The following CERS6 variants were observed in gnomAD, a reference collection of about 807,000 sequenced individuals.
CERS6 encodes the protein ceramide synthase 6.
CERS6 carries 26 observed loss-of-function variants against 56.8 expected under a neutral mutation model. The observed-to-expected ratio is 0.46, with a 90% CI of 0.34 to 0.63. The LOEUF (loss-of-function observed/expected upper bound fraction) is 0.63. CERS6 is among the 30% of genes least tolerant of loss of function. The probability of loss-of-function intolerance (pLI) is 0.01; values close to 1 mark genes in which losing one functional copy is unlikely to be tolerated. For missense variants in CERS6, 415 were observed against 467.5 expected, an observed-to-expected ratio of 0.89 and a Z score of 1.04; for synonymous variants, 164 against 173.3, an observed-to-expected ratio of 0.95 and a Z score of 0.42.
At position 168,622,935 on chromosome 2, in the gene CERS6, A is replaced by T. The variant is rs191034074; in HGVS notation, c.408-8050A>T. 9.2e-4 allele frequency among the ~76,000 whole-genome samples: 140 copies of T among 152,306 alleles called. 1 individual carries two copies. Among genetic ancestry groups the T allele is most frequent in the South Asian group, 6.4e-3 (31 of 4,826 alleles). The stretch of plus-strand genomic sequence containing the variant: ...AAGCTACTCTAGAAATTTAGATTTT[A>T]TGTCAGAGTTTCCAAAAAGGAATCT... On this transcript the variant is annotated intron_variant, in intron 3 of 9. Transcript: ENST00000305747.
intron 8 of CERS6, among the ~76,000 whole-genome samples, chr2:168,762,294 T>C (rs1684604753): frequency 6.6e-6 from 1 of 152,228 alleles, no homozygotes; most frequent in Non-Finnish European, 1.5e-5. Flanking sequence ...AAAATACTTA[T>C]AGATATTTTA....
intron 3 of CERS6, among the ~76,000 whole-genome samples, chr2:168,624,589 T>G (rs141113609): frequency 6.6e-6 from 1 of 152,242 alleles, no homozygotes; most frequent in East Asian, 1.9e-4. Flanking sequence ...GTTACTGTTT[T>G]GTAAAAATAA....
chr2:168,690,011 C>T (rs573027708), intron 4 of CERS6, among the ~76,000 whole-genome samples: 1 of 152,162 alleles, frequency 6.6e-6, no homozygotes, highest in South Asian at 2.1e-4. Flanking sequence ...CCTCCATTTA[C>T]CTATCTATAA....
At chr2:168,703,857 T>C (rs1250397664) in intron 6 of CERS6, among the ~76,000 whole-genome samples, 1 of 152,192 alleles carries the variant, frequency 6.6e-6, no homozygotes, top group Non-Finnish European at 1.5e-5. Flanking sequence ...AGGTAGATAT[T>C]CCCAATCTTA....
intron 8 of CERS6, among the ~76,000 whole-genome samples, chr2:168,746,775 G>GTATATATATACATA (rs1684107976): frequency 1.5e-4 from 6 of 39,034 alleles, no homozygotes; most frequent in African/African-American, 4.6e-4. Context: ...AGGGTAAAGG[G>GTATATATATACATA]TATATATATA....
At chr2:168,734,297 C>T (rs1039463509) in intron 8 of CERS6, among the ~76,000 whole-genome samples, 1 of 152,070 alleles carries the variant, frequency 6.6e-6, no homozygotes, top group Non-Finnish European at 1.5e-5. Context: ...GGGAGATGCC[C>T]AGGAAAGACA....
rs79274513 is a variant in CERS6 at position 168,702,871 on chromosome 2, G to A, written c.609+7820G>A. 6.3e-3 allele frequency among the ~76,000 whole-genome samples: 966 copies of A among 152,160 alleles called. 12 individuals carry two copies. The highest frequency in any genetic ancestry group is 0.031 in the Middle Eastern group (9 of 294). Reference sequence around the variant, plus strand: ...CTTCCTTCTCCAGCTATGTATTATCGTGGTACTGGGTTTTCACCAAATACT... The same window carrying A: ...CTTCCTTCTCCAGCTATGTATTATCATGGTACTGGGTTTTCACCAAATACT... On this transcript the variant is annotated intron_variant, in intron 6 of 9. Coordinates refer to ENST00000305747, the MANE Select transcript of CERS6 (RefSeq NM_203463.3).
chr2:168,478,503 T>C (rs1558964806), intron 1 of CERS6, among the ~76,000 whole-genome samples: 1 of 152,204 alleles, frequency 6.6e-6, no homozygotes, highest in Non-Finnish European at 1.5e-5. Flanking sequence ...CATTCTCTAG[T>C]CTAAAGCCTC....
At chr2:168,476,912 T>C (rs1694082167) in intron 1 of CERS6, among the ~76,000 whole-genome samples, 1 of 152,164 alleles carries the variant, frequency 6.6e-6, no homozygotes, top group African/African-American at 2.4e-5. Context: ...AATAATGCTT[T>C]ACCAGTTCTC....
At chr2:168,736,707 G>C (rs773826054) in intron 8 of CERS6, among the ~76,000 whole-genome samples, 3 of 152,230 alleles carry the variant, frequency 2.0e-5, no homozygotes, top group Non-Finnish European at 2.9e-5. Flanking sequence ...GGAAAGTGAA[G>C]AATAATCCAG....
At chr2:168,656,001 C>T (rs978482815) in intron 4 of CERS6, among the ~76,000 whole-genome samples, 3 of 152,186 alleles carry the variant, frequency 2.0e-5, no homozygotes, top group Non-Finnish European at 2.9e-5. Flanking sequence ...GATAAACTTA[C>T]GAAAAATAAA....
chr2:168,481,937 G>A (rs1360156048), intron 1 of CERS6, among the ~76,000 whole-genome samples: 1 of 152,168 alleles, frequency 6.6e-6, no homozygotes, highest in Non-Finnish European at 1.5e-5. Context: ...TTAAGCTTAG[G>A]TTGAATTTTT....
chr2:168,479,760 C>T (rs1436821310), intron 1 of CERS6, among the ~76,000 whole-genome samples: 2 of 152,138 alleles, frequency 1.3e-5, no homozygotes, highest in Non-Finnish European at 2.9e-5. Context: ...AGGCATGTGC[C>T]ACCACACCCA....
At chr2:168,610,269 TC>T (rs918663496) in intron 3 of CERS6, among the ~76,000 whole-genome samples, 11 of 152,078 alleles carry the variant, frequency 7.2e-5, no homozygotes, top group African/African-American at 2.4e-4. Context: ...GAGCCACCAC[TC>T]CCGGCCGACT....
intron 1 of CERS6, among the ~76,000 whole-genome samples, chr2:168,485,159 C>G (rs1194116860): frequency 1.3e-5 from 2 of 149,846 alleles, no homozygotes; most frequent in African/African-American, 4.9e-5. Flanking sequence ...AGGTGACACA[C>G]TGCCTTGCTT....
At chr2:168,684,595 A>G (rs1361757171) in intron 4 of CERS6, among the ~76,000 whole-genome samples, 3 of 152,216 alleles carry the variant, frequency 2.0e-5, no homozygotes, top group African/African-American at 7.2e-5. Context: ...GTAACAAATT[A>G]ATATAGATAT....
chr2:168,706,099 A>C lies in CERS6; in HGVS notation c.610-8902A>C, dbSNP rs572422341. Reference sequence around the variant, plus strand: ...GATCTAAAGTTCAATGAATAGAAAGACATATGTACAATTAAGAAAACTATC... The same window carrying C: ...GATCTAAAGTTCAATGAATAGAAAGCCATATGTACAATTAAGAAAACTATC... On this transcript the variant is annotated intron_variant, in intron 6 of 9. Coordinates refer to ENST00000305747, the MANE Select transcript of CERS6 (RefSeq NM_203463.3). 8.5e-5 allele frequency among the ~76,000 whole-genome samples: 13 copies of C among 152,284 alleles called. No homozygotes were observed. The East Asian group carries it at 2.1e-3, about 25-fold the overall frequency.
chr2:168,719,235 T>G (rs1243174410), intron 8 of CERS6, among the ~76,000 whole-genome samples: 1 of 152,188 alleles, frequency 6.6e-6, no homozygotes, highest in Non-Finnish European at 1.5e-5. Flanking sequence ...ATATTCCAGT[T>G]TATAATTTGG....
chr2:168,657,158 T>G (rs1685499328), intron 4 of CERS6, among the ~76,000 whole-genome samples: 1 of 152,180 alleles, frequency 6.6e-6, no homozygotes. Context: ...TCACAAACCT[T>G]GAGCTAAACA....
Sources: allele counts gnomAD v4.1 joint callset (sites outside exome capture counted in the v4.1 genomes callset), GRCh38; gene constraint gnomAD v4.1.1; transcripts MANE v1.5; gene names NCBI Gene and HGNC (gene_info 2026-07-23, HGNC 2026-07-21).